Variants in ZNF804B observed in about 807,000 individuals in gnomAD.
ZNF804B encodes the protein zinc finger protein 804B, also known as zinc finger 804B.
ZNF804B carries 80 observed loss-of-function variants against 101.4 expected under a neutral mutation model. The observed-to-expected ratio is 0.79, with a 90% CI of 0.66 to 0.95. The LOEUF (loss-of-function observed/expected upper bound fraction) is 0.95. Ranked by LOEUF, ZNF804B falls within the 40% of genes least tolerant of loss-of-function variation. The pLI is 0.00. For synonymous variants in ZNF804B, 622 were observed against 558.8 expected (o/e 1.11, Z -1.59); for missense variants, 1,673 against 1,561.9 (o/e 1.07, Z -1.20).
chr7:89,034,088 G>C (rs544735020), intron 1 of ZNF804B, among the ~76,000 whole-genome samples: 16 of 152,010 alleles, frequency 1.1e-4, no homozygotes, highest in African/African-American at 3.6e-4. Context: ...GTATTTATTT[G>C]TTATTGAATC....
chr7:89,199,093 C>T (rs1788595113), intron 1 of ZNF804B, among the ~76,000 whole-genome samples: 1 of 151,698 alleles, frequency 6.6e-6, no homozygotes, highest in South Asian at 2.1e-4. Context: ...AAGACTGGCC[C>T]CACTGGAAGA....
At chr7:88,858,203 T>C (rs934449725) in intron 1 of ZNF804B, among the ~76,000 whole-genome samples, 1 of 152,180 alleles carries the variant, frequency 6.6e-6, no homozygotes, top group African/African-American at 2.4e-5. Flanking sequence ...GTCTAAATAC[T>C]TCTCCTCAAA....
intron 2 of ZNF804B, among the ~76,000 whole-genome samples, chr7:89,294,027 A>T (rs571796944): frequency 6.6e-6 from 1 of 152,166 alleles, no homozygotes; most frequent in Non-Finnish European, 1.5e-5. Flanking sequence ...ATCATTTGGT[A>T]GTCTGCCTTA....
intron 2 of ZNF804B, among the ~76,000 whole-genome samples, chr7:89,280,195 G>C (rs549101844): frequency 3.3e-5 from 5 of 152,098 alleles, no homozygotes; most frequent in African/African-American, 1.2e-4. Context: ...AAATAAAGAT[G>C]TTCTTTGAAA....
At chr7:89,242,148 A>G (rs1789381485) in intron 2 of ZNF804B, among the ~76,000 whole-genome samples, 1 of 151,946 alleles carries the variant, frequency 6.6e-6, no homozygotes, top group Non-Finnish European at 1.5e-5. Flanking sequence ...TCCTTAATTG[A>G]TGAGGCTGGG....
chr7:88,938,697 C>T (rs1327934272), intron 1 of ZNF804B, among the ~76,000 whole-genome samples: 1 of 151,892 alleles, frequency 6.6e-6, no homozygotes, highest in Non-Finnish European at 1.5e-5. Context: ...GTGGAAGTCT[C>T]ATCAGCAAAA....
At chr7:89,184,288 TA>T (rs950745747) in intron 1 of ZNF804B, among the ~76,000 whole-genome samples, 1 of 152,178 alleles carries the variant, frequency 6.6e-6, no homozygotes, top group African/African-American at 2.4e-5. Context: ...ATCTGATGAA[TA>T]ATTCAGAAAT....
At chr7:88,779,484 G>A (rs928441461) in intron 1 of ZNF804B, among the ~76,000 whole-genome samples, 2 of 152,082 alleles carry the variant, frequency 1.3e-5, no homozygotes, top group African/African-American at 4.8e-5. Context: ...TCTCCCTAGT[G>A]CCCAGTTCAC....
In ZNF804B at chr7:88,877,008, ATATAT is replaced by A. The variant is rs752709490; in HGVS notation, c.108+116925_108+116929del. The stretch of plus-strand genomic sequence containing the variant: ...ATACAGAGAATATTTGAAAAAAAAA[ATATAT>A]ATATATATATATAATATATATATAT... On this transcript the variant is annotated intron_variant, in intron 1 of 3. Transcript: ENST00000333190. Among the ~76,000 whole-genome samples, 609 of 70,848 alleles carry A rather than the reference ATATAT, an allele frequency of 8.6e-3. 17 individuals are homozygous for A. The highest frequency in any genetic ancestry group is 0.046 in the East Asian group (99 of 2,146). The allele number at this position is 70,848 out of a possible 152,430, so 46.5% of individuals were successfully genotyped here.
chr7:88,884,590 A>C (rs892135950), intron 1 of ZNF804B, among the ~76,000 whole-genome samples: 1 of 151,852 alleles, frequency 6.6e-6, no homozygotes, highest in African/African-American at 2.4e-5. Flanking sequence ...TATTTTAGAC[A>C]AGAAGCTTGG....
rs557649808 is a variant in ZNF804B at position 88,870,215 on chromosome 7, T to G, written c.108+110131T>G. On this transcript the variant is annotated intron_variant, in intron 1 of 3. Transcript: ENST00000333190. ...TCCTGGCTAACACGGTGAAACCCCGTCTCTACTAAAAATACAAAAATTAGC... is the reference window on the plus strand; with the variant it reads ...TCCTGGCTAACACGGTGAAACCCCGGCTCTACTAAAAATACAAAAATTAGC... 1.6e-3 allele frequency among the ~76,000 whole-genome samples: 241 copies of G among 149,670 alleles called. 2 individuals are homozygous for G. The highest frequency in any genetic ancestry group is 2.8e-3 in the South Asian group (13 of 4,710).
chr7:88,861,384 A>T (rs1791642088), intron 1 of ZNF804B, among the ~76,000 whole-genome samples: 1 of 152,218 alleles, frequency 6.6e-6, no homozygotes, highest in Non-Finnish European at 1.5e-5. Flanking sequence ...CAACCTTGCC[A>T]GCAGAGCTGC....
At chr7:89,116,382 G>A (rs1256431270) in intron 1 of ZNF804B, among the ~76,000 whole-genome samples, 1 of 152,114 alleles carries the variant, frequency 6.6e-6, no homozygotes, top group Non-Finnish European at 1.5e-5. Context: ...AATTATAATA[G>A]TATTCTGCAT....
intron 2 of ZNF804B, among the ~76,000 whole-genome samples, chr7:89,303,038 T>TA (rs1204001305): frequency 1.3e-5 from 2 of 151,946 alleles, no homozygotes; most frequent in East Asian, 3.9e-4. Flanking sequence ...GGCTGGGAAT[T>TA]ACTATATTAA....
chr7:89,087,068 A>AG (rs1415352420), intron 1 of ZNF804B, among the ~76,000 whole-genome samples: 33 of 150,196 alleles, frequency 2.2e-4, no homozygotes, highest in African/African-American at 7.5e-4. Context: ...AAAAAAAAAA[A>AG]AAAGAAAGGA....
intron 1 of ZNF804B, among the ~76,000 whole-genome samples, chr7:89,043,208 T>C (rs1180473455): frequency 6.6e-6 from 1 of 152,200 alleles, no homozygotes; most frequent in Non-Finnish European, 1.5e-5. Context: ...CTTTGAGGCA[T>C]ACTAATAGGA....
intron 1 of ZNF804B, among the ~76,000 whole-genome samples, chr7:89,119,894 C>T (rs576285138): frequency 2.3e-4 from 35 of 152,172 alleles, no homozygotes; most frequent in Non-Finnish European, 3.4e-4. Context: ...CTAACATGCT[C>T]ATATGGATAG....
At chr7:88,832,862 T>C (rs1791153600) in intron 1 of ZNF804B, among the ~76,000 whole-genome samples, 1 of 151,824 alleles carries the variant, frequency 6.6e-6, no homozygotes, top group Admixed American at 6.6e-5. Context: ...ATAATGTCCT[T>C]AGGAACAGGC....
intron 1 of ZNF804B, among the ~76,000 whole-genome samples, chr7:88,885,145 A>T (rs1451075928): frequency 6.6e-6 from 1 of 151,968 alleles, no homozygotes; most frequent in African/African-American, 2.4e-5. Flanking sequence ...TTTTTGGGTA[A>T]AATTCAGTTT....
Sources: gnomAD v4.1 joint callset for allele counts (sites outside exome capture counted in the v4.1 genomes callset) on GRCh38, gnomAD v4.1.1 for gene constraint, MANE v1.5 for transcripts, NCBI Gene and HGNC (gene_info 2026-07-23, HGNC 2026-07-21) for gene names.